CACNA1C: variants seen among roughly 807,000 people sequenced by gnomAD.
CACNA1C encodes calcium voltage-gated channel subunit alpha1 C.
In CACNA1C, 30 loss-of-function variants were observed where a neutral mutation model predicts 229.0. The ratio of observed to expected loss-of-function variants is 0.13; its 90% CI spans 0.10 to 0.18. CACNA1C has a LOEUF of 0.18. Ranked by LOEUF, CACNA1C falls within the 10% of genes least tolerant of loss-of-function variation. The probability of loss-of-function intolerance (pLI) is 1.00; values close to 1 mark genes in which losing one functional copy is unlikely to be tolerated. For missense variants in CACNA1C, 1,658 were observed against 2,845.0 expected (o/e 0.58, Z 9.49); for synonymous variants, 1,114 against 1,132.5 (o/e 0.98, Z 0.33).
chr12:2,284,157 C>G (rs2092181748), intron 3 of CACNA1C, among the ~76,000 whole-genome samples: 1 of 152,168 alleles, frequency 6.6e-6, no homozygotes, highest in Non-Finnish European at 1.5e-5. Context: ...CTCTGCCGGG[C>G]TGCATGAGTG....
chr12:2,558,501 C>T (rs965671354), intron 11 of CACNA1C, among the ~76,000 whole-genome samples: 1 of 152,232 alleles, frequency 6.6e-6, no homozygotes, highest in Non-Finnish European at 1.5e-5. Context: ...ACTTCCAGGT[C>T]CCTCACACTC....
chr12:2,472,367 C>A (rs2099597943), intron 5 of CACNA1C, among the ~76,000 whole-genome samples: 1 of 152,132 alleles, frequency 6.6e-6, no homozygotes, highest in Non-Finnish European at 1.5e-5. Flanking sequence ...TTTCAGTTGA[C>A]TCATGTTTCC....
At chr12:2,347,229 C>G (rs141978470) in intron 3 of CACNA1C, among the ~76,000 whole-genome samples, 2 of 152,190 alleles carry the variant, frequency 1.3e-5, no homozygotes, top group African/African-American at 2.4e-5. Flanking sequence ...CTCACCTCCC[C>G]ACGAACACTG....
At chr12:2,578,789 C>T (rs952731079) in intron 13 of CACNA1C, among the ~76,000 whole-genome samples, 3 of 152,086 alleles carry the variant, frequency 2.0e-5, no homozygotes, top group Admixed American at 1.3e-4. Flanking sequence ...TCCCAGACGC[C>T]CCAGGGGTTG....
At chr12:2,209,397 G>T (rs1170636862) in intron 3 of CACNA1C, among the ~76,000 whole-genome samples, 1 of 152,138 alleles carries the variant, frequency 6.6e-6, no homozygotes, top group Non-Finnish European at 1.5e-5. Flanking sequence ...GAGTCATAGT[G>T]TGCTTGAAGT....
At chr12:2,359,816 A>C (rs916451219) in intron 3 of CACNA1C, among the ~76,000 whole-genome samples, 3 of 152,110 alleles carry the variant, frequency 2.0e-5, no homozygotes, top group Non-Finnish European at 4.4e-5. Flanking sequence ...AAGAAAAGAC[A>C]CTTAAAGTGG....
intron 3 of CACNA1C, among the ~76,000 whole-genome samples, chr12:2,306,327 C>A (rs1284088776): frequency 6.6e-6 from 1 of 152,232 alleles, no homozygotes; most frequent in Admixed American, 6.5e-5. Flanking sequence ...ACACCTTCCA[C>A]CCTCAGGGCC....
rs1039248158 is a variant in CACNA1C, at chr12:2,679,413, T to C, written c.5092-31T>C. 8.3e-6 allele frequency: 12 copies of C among 1,446,402 alleles called. No homozygotes were observed. In the African/African-American group the frequency reaches 1.6e-4, roughly 19 times the overall value. The allele number at this position is 1,446,402 out of a possible 1,614,324, so 89.6% of individuals were successfully genotyped here. The stretch of plus-strand genomic sequence containing the variant: ...CTGGGAGGAGTGGGTGCTAAGGGGC[T>C]TCTCCACCCACCCCTCCTTCTTGCC... On this transcript the variant is annotated intron_variant, in intron 41 of 46. Transcript: ENST00000399655. This position sits in a 1 kb window ranked among gnomAD's most constrained non-coding sequence, Gnocchi z 5.5.
intron 3 of CACNA1C, among the ~76,000 whole-genome samples, chr12:2,301,300 G>A (rs190464653): frequency 4.6e-5 from 7 of 152,268 alleles, no homozygotes; most frequent in Admixed American, 4.6e-4. Context: ...GTATCTGTGG[G>A]TCTTAAAAAC....
Position 2,647,765 on chromosome 12 carries a change from G to A in CACNA1C, c.3913-710G>A, listed in dbSNP as rs1569033716. Among the ~76,000 whole-genome samples the A allele has an allele frequency of 1.3e-5, 2 of 152,168 alleles. No homozygotes were observed. Among genetic ancestry groups the A allele is most frequent in the Non-Finnish European group, 2.9e-5 (2 of 68,022 alleles). ...AGGCCTCTGTCCTTCAGCTGGCCCT[G>A]CCTGGGGTAAGCTAAAGTGCACAAA... On this transcript the variant is annotated intron_variant, in intron 30 of 46. Coordinates refer to ENST00000399655, the MANE Select transcript of CACNA1C (RefSeq NM_000719.7). The surrounding 1 kb of genome is among the most constrained non-coding windows in gnomAD (Gnocchi z 4.2).
chr12:2,641,655 C>T (rs778259800), intron 30 of CACNA1C: 2 of 697,520 alleles, frequency 2.9e-6, no homozygotes, highest in South Asian at 1.5e-5. Flanking sequence ...CACAGTCATT[C>T]ATGCTGGGTG....
At chr12:2,611,573 G>A (rs2077823061) in intron 28 of CACNA1C, among the ~76,000 whole-genome samples, 1 of 152,142 alleles carries the variant, frequency 6.6e-6, no homozygotes. Flanking sequence ...GGTAAGGTGT[G>A]GCGTGTGGAG....
At chr12:2,574,844 C>G (rs2057800696) in intron 13 of CACNA1C, among the ~76,000 whole-genome samples, 1 of 152,244 alleles carries the variant, frequency 6.6e-6, no homozygotes, top group Non-Finnish European at 1.5e-5. Flanking sequence ...GCAAAGGTAG[C>G]TCAGACTCCA....
intron 1 of CACNA1C, among the ~76,000 whole-genome samples, chr12:1,980,362 G>C (rs972016717): frequency 6.6e-6 from 1 of 152,020 alleles, no homozygotes; most frequent in Non-Finnish European, 1.5e-5. Context: ...TGTGACTATT[G>C]GTATTTGTAT....
intron 3 of CACNA1C, among the ~76,000 whole-genome samples, chr12:2,207,125 T>G (rs993846103): frequency 9.2e-5 from 14 of 152,212 alleles, no homozygotes; most frequent in African/African-American, 3.1e-4. Context: ...GGAGCATCTT[T>G]CCCTTCCCAA....
chr12:2,391,071 C>G (rs1157062744), intron 3 of CACNA1C, among the ~76,000 whole-genome samples: 1 of 152,134 alleles, frequency 6.6e-6, no homozygotes, highest in East Asian at 1.9e-4. Flanking sequence ...GACGATAGGA[C>G]GCAGTGACTG....
chr12:2,627,992 C>G (rs548737063), intron 29 of CACNA1C, among the ~76,000 whole-genome samples: 43 of 152,186 alleles, frequency 2.8e-4, no homozygotes, highest in Non-Finnish European at 4.8e-4. Flanking sequence ...CAGGAAGGAA[C>G]AGAGAAGAGA....
At chr12:2,178,372 T>C (rs2096731535) in intron 3 of CACNA1C, among the ~76,000 whole-genome samples, 11 of 152,222 alleles carry the variant, frequency 7.2e-5, no homozygotes. Context: ...GTAGGAAGCA[T>C]GGACTTTGCT....
At chr12:2,547,711 G>C (rs999731570) in intron 9 of CACNA1C, among the ~76,000 whole-genome samples, 1 of 152,210 alleles carries the variant, frequency 6.6e-6, no homozygotes, top group South Asian at 2.1e-4. Context: ...CAAAGCCACT[G>C]CCTTATCATT....
Sources: gnomAD v4.1 joint callset for allele counts (sites outside exome capture counted in the v4.1 genomes callset) on GRCh38, gnomAD v4.1.1 for gene constraint, Gnocchi (gnomAD v3.1) non-coding constraint, MANE v1.5 for transcripts, NCBI Gene and HGNC (gene_info 2026-07-23, HGNC 2026-07-21) for gene names.